The following CCR5AS variants were observed in gnomAD, a reference collection of about 807,000 sequenced individuals.
CCR5AS encodes CCR5 antisense RNA.
chr3:46,404,804 T>C (rs908521436), intron 1 of CCR5AS, among the ~76,000 whole-genome samples: 3 of 152,344 alleles, frequency 2.0e-5, no homozygotes, highest in African/African-American at 7.2e-5. Context: ...ATTTTGTCCA[T>C]TGGTGCATCC....
chr3:46,389,629 G>A (rs768970524), intron 2 of CCR5AS, among the ~76,000 whole-genome samples: 3 of 152,166 alleles, frequency 2.0e-5, no homozygotes, highest in South Asian at 2.1e-4. Flanking sequence ...GGGACGAGTC[G>A]GGGAGTGCTA....
Position 46,378,961 on chromosome 3 carries a change from T to A in CCR5AS, n.392-7544A>T, listed in dbSNP as rs374079166. 4.6e-5 allele frequency among the ~76,000 whole-genome samples: 7 copies of A among 152,206 alleles called. No homozygotes were observed. In the South Asian group the frequency reaches 1.5e-3, roughly 32 times the overall value. The stretch of plus-strand genomic sequence containing the variant: ...ATATCTGATGATTGTGGGTACCAAG[T>A]GTTTGAAATAATCAAATGTGATTTG... On this transcript the variant is annotated intron_variant and non_coding_transcript_variant, in intron 2 of 3. Transcript: ENST00000451485.
intron 2 of CCR5AS, chr3:46,374,063 A>G: frequency 1.3e-6 from 1 of 771,682 alleles, no homozygotes; most frequent in Non-Finnish European, 2.1e-6. Flanking sequence ...TCTTTTTTAA[A>G]AGGAAGTTAC....
intron 2 of CCR5AS, among the ~76,000 whole-genome samples, chr3:46,386,140 T>C (rs937206459): frequency 6.6e-6 from 1 of 152,070 alleles, no homozygotes; most frequent in Admixed American, 6.6e-5. Flanking sequence ...GGTCTTGAAC[T>C]CCTGGACTCA....
intron 2 of CCR5AS, chr3:46,372,893 G>A (rs184985767): frequency 1.9e-6 from 3 of 1,561,524 alleles, no homozygotes; most frequent in Non-Finnish European, 2.6e-6. Context: ...TATGCACAGG[G>A]TGGAACAAGA....
intron 1 of CCR5AS, among the ~76,000 whole-genome samples, chr3:46,405,303 C>T (rs1015812809): frequency 6.6e-6 from 1 of 152,198 alleles, no homozygotes; most frequent in Admixed American, 6.5e-5. Context: ...TCACACCTCA[C>T]ATGATTCTGT....
chr3:46,368,486 C>T (rs937622122), intron 3 of CCR5AS, among the ~76,000 whole-genome samples: 3 of 152,174 alleles, frequency 2.0e-5, no homozygotes, highest in African/African-American at 7.2e-5. Context: ...GCTGAACCCC[C>T]CTGTCCTGAG....
chr3:46,365,832 G>A (rs750587349), intron 3 of CCR5AS, among the ~76,000 whole-genome samples: 3 of 152,162 alleles, frequency 2.0e-5, no homozygotes, highest in Admixed American at 6.5e-5. Flanking sequence ...TCCTGTGGTA[G>A]CCACTTGACC....
At chr3:46,364,648 A>ATATG (rs1208408607) in exon 4 of CCR5AS, among the ~76,000 whole-genome samples, 1 of 152,016 alleles carries the variant, frequency 6.6e-6, no homozygotes, top group African/African-American at 2.4e-5. Context: ...ATATATATAT[A>ATATG]TAGCCTTATA....
intron 2 of CCR5AS, chr3:46,375,202 C>T (rs765388021): frequency 6.0e-5 from 10 of 167,052 alleles, no homozygotes; most frequent in Non-Finnish European, 8.8e-5. Context: ...CATAGATTTC[C>T]TTCCCATCCC....
intron 1 of CCR5AS, among the ~76,000 whole-genome samples, chr3:46,400,976 G>A (rs2106780099): frequency 6.6e-6 from 1 of 152,332 alleles, no homozygotes; most frequent in Middle Eastern, 3.4e-3. Context: ...AGGGACAGGA[G>A]ATGGTGCGAA....
chr3:46,389,413 A>T (rs1297220320), intron 2 of CCR5AS, among the ~76,000 whole-genome samples: 1 of 152,174 alleles, frequency 6.6e-6, no homozygotes, highest in Non-Finnish European at 1.5e-5. Flanking sequence ...GAGGGGTCAG[A>T]CTTGACAAGG....
chr3:46,377,524 A>C (rs1463024715), intron 2 of CCR5AS, among the ~76,000 whole-genome samples: 2 of 152,242 alleles, frequency 1.3e-5, no homozygotes, highest in East Asian at 3.8e-4. Flanking sequence ...ATTAAGATGC[A>C]ATGGCATTTC....
At chr3:46,403,128 A>C (rs1702017308) in intron 1 of CCR5AS, among the ~76,000 whole-genome samples, 1 of 152,056 alleles carries the variant, frequency 6.6e-6, no homozygotes. Flanking sequence ...CACTTTCTTT[A>C]TCTAATCTGT....
In CCR5AS at chr3:46,387,578, G is replaced by A. The variant is rs558799895; in HGVS notation, n.391+5247C>T. 1.5e-4 allele frequency among the ~76,000 whole-genome samples: 23 copies of A among 152,192 alleles called. No individual in the cohort carries two copies. In the South Asian group the frequency reaches 2.1e-3, roughly 14 times the overall value. ...AGCCTGAGCAACATGGCAAAACCCC[G>A]TCTCTACAAAAAATACAAAAATTAA... is the stretch of plus-strand genomic sequence containing the variant. On this transcript the variant is annotated intron_variant and non_coding_transcript_variant, in intron 2 of 3. Coordinates refer to ENST00000451485, the Ensembl canonical transcript of CCR5AS.
chr3:46,364,026 A>G (rs1330535495), downstream of CCR5AS, among the ~76,000 whole-genome samples: 1 of 152,286 alleles, frequency 6.6e-6, no homozygotes, highest in Non-Finnish European at 1.5e-5. Flanking sequence ...TCCATAACAT[A>G]AAAATGCAAG....
chr3:46,373,962 C>T (rs1701715942), intron 2 of CCR5AS: 1 of 1,552,236 alleles, frequency 6.4e-7, no homozygotes, highest in African/African-American at 1.4e-5. Context: ...GGGCTTGTGA[C>T]ACGGACTCAA....
At chr3:46,370,153 T>C (rs1406339660) in intron 3 of CCR5AS, among the ~76,000 whole-genome samples, 2 of 152,270 alleles carry the variant, frequency 1.3e-5, no homozygotes, top group Middle Eastern at 6.8e-3. Context: ...TTCAGATAGA[T>C]TATATCTGGA....
At chr3:46,404,065 G>T (rs1702024226) in intron 1 of CCR5AS, among the ~76,000 whole-genome samples, 1 of 152,172 alleles carries the variant, frequency 6.6e-6, no homozygotes, top group African/African-American at 2.4e-5. Context: ...AGAGCTGAAA[G>T]GCGATAAATC....
Sources: gnomAD v4.1 joint callset for allele counts (sites outside exome capture counted in the v4.1 genomes callset) on GRCh38, gnomAD v4.1.1 for gene constraint, MANE v1.5 for transcripts, NCBI Gene and HGNC (gene_info 2026-07-23, HGNC 2026-07-21) for gene names.